AP3B1: variants seen among roughly 807,000 people sequenced by gnomAD.
The protein encoded by AP3B1 is adaptor related protein complex 3 subunit beta 1, also known as AP-3 complex subunit beta-1.
AP3B1 carries 61 observed loss-of-function variants against 132.5 expected under a neutral mutation model. That is an observed-to-expected ratio of 0.46 (90% CI 0.37 to 0.57). The LOEUF (loss-of-function observed/expected upper bound fraction) is 0.57, where lower values mean the gene tolerates loss of function less well. AP3B1 is among the 20% of genes least tolerant of loss of function. The probability of loss-of-function intolerance (pLI) is 0.00; values close to 1 mark genes in which losing one functional copy is unlikely to be tolerated. For synonymous variants in AP3B1, 388 were observed against 438.3 expected (o/e 0.89, Z 1.43); for missense variants, 1,120 against 1,289.4 (o/e 0.87, Z 2.01).
intron 22 of AP3B1, among the ~76,000 whole-genome samples, chr5:78,060,437 G>A (rs1436022441): frequency 6.6e-6 from 1 of 152,080 alleles, no homozygotes; most frequent in Non-Finnish European, 1.5e-5. Context: ...GTTTCTTTGT[G>A]GATATTCCAT....
chr5:78,187,451 A>T (rs114561513), intron 7 of AP3B1, among the ~76,000 whole-genome samples: 3,621 of 152,286 alleles, frequency 0.024, 137 homozygotes, highest in African/African-American at 0.083. Flanking sequence ...TTGTTAATTA[A>T]CATACTGAGT....
At chr5:78,063,697 A>G (rs1259542182) in intron 22 of AP3B1, among the ~76,000 whole-genome samples, 1 of 152,234 alleles carries the variant, frequency 6.6e-6, no homozygotes, top group Non-Finnish European at 1.5e-5. Flanking sequence ...AAGCCCTACT[A>G]TGTGCCATTC....
At chr5:78,182,192 C>T (rs942410973) in intron 7 of AP3B1, among the ~76,000 whole-genome samples, 1 of 152,190 alleles carries the variant, frequency 6.6e-6, no homozygotes, top group Admixed American at 6.5e-5. Flanking sequence ...TCCAGAGGAG[C>T]TGATTCTAGG....
Position 78,227,415 on chromosome 5 carries a change from A to G in AP3B1, c.493T>C (p.Tyr165His), listed in dbSNP as rs771489756. 1 of 1,613,734 alleles carries G rather than the reference A, an allele frequency of 6.2e-7. No homozygotes were observed. Residue 165 changes from tyrosine (Y) to histidine (H), a missense_variant, in exon 5 of 27, where the codon TAT becomes CAT. Coordinates refer to ENST00000255194, the MANE Select transcript of AP3B1 (RefSeq NM_003664.5). Reference sequence around the variant, plus strand: ...GCATGGGCTGCATTCTTCCTAACATATGGTGATAAGTCAGCAGAAGCTTCC... The same window carrying G: ...GCATGGGCTGCATTCTTCCTAACATGTGGTGATAAGTCAGCAGAAGCTTCC... ...IKEASADLSP[Y>H]VRKNAAHAIQ...
Position 78,096,011 on chromosome 5 carries a change from T to C in AP3B1, c.2470+4942A>G, listed in dbSNP as rs116386826. 6.6e-3 allele frequency among the ~76,000 whole-genome samples: 999 copies of C among 152,298 alleles called. 13 individuals are homozygous for C. The highest frequency in any genetic ancestry group is 0.022 in the African/African-American group (934 of 41,566). On this transcript the variant is annotated intron_variant, in intron 21 of 26. Transcript: ENST00000255194. ...TTTTTTTAAAAAGCTTGTGTCCCTG[T>C]CCCTCTCCCTTTCCCTCTCCCTCTC...
chr5:78,147,399 G>A (rs1753452119), intron 14 of AP3B1, among the ~76,000 whole-genome samples: 1 of 152,034 alleles, frequency 6.6e-6, no homozygotes, highest in East Asian at 1.9e-4. Context: ...CCTGTAGCTA[G>A]TTTTTGTTTT....
At chr5:78,095,231 T>C (rs908196753) in intron 21 of AP3B1, among the ~76,000 whole-genome samples, 1 of 152,198 alleles carries the variant, frequency 6.6e-6, no homozygotes, top group Admixed American at 6.5e-5. Context: ...AAATTAACAT[T>C]TCCTGAATGA....
chr5:78,135,253 C>G (rs894390697), intron 15 of AP3B1, among the ~76,000 whole-genome samples: 1 of 151,796 alleles, frequency 6.6e-6, no homozygotes, highest in Non-Finnish European at 1.5e-5. Flanking sequence ...ACTTAAATGT[C>G]TGACAGAGAT....
Position 78,203,164 on chromosome 5 carries a change from T to A in AP3B1, c.786+12891A>T, listed in dbSNP as rs189815820. The stretch of plus-strand genomic sequence containing the variant: ...TGCTGCTCTCAAGATTCTCTTTTTG[T>A]CCTTAGCTTTTGAAAATGTGATCTT... On this transcript the variant is annotated intron_variant, in intron 7 of 26. Transcript: ENST00000255194. Among the ~76,000 whole-genome samples, 17 of 152,270 alleles carry A rather than the reference T, an allele frequency of 1.1e-4. No individual in the cohort carries two copies. In the East Asian group the frequency reaches 2.7e-3, roughly 24 times the overall value.
chr5:78,076,626 C>T (rs943849830), intron 22 of AP3B1, among the ~76,000 whole-genome samples: 8 of 152,098 alleles, frequency 5.3e-5, no homozygotes, highest in African/African-American at 1.9e-4. Flanking sequence ...AGGGTTGGGG[C>T]GTTGAGCTAC....
At position 78,005,905 on chromosome 5, in the gene AP3B1, G is replaced by C. The variant is rs139903035; in HGVS notation, c.3132-2850C>G. On this transcript the variant is annotated intron_variant, in intron 26 of 26. Transcript: ENST00000255194. ...AGTACTAATTCATAAGTAATAAATA[G>C]CTAGCTTTGGGATGTCAGAAACATT... 1.1e-4 allele frequency among the ~76,000 whole-genome samples: 16 copies of C among 152,256 alleles called. No homozygotes were observed. In the East Asian group the frequency reaches 3.1e-3, roughly 29 times the overall value.
chr5:78,058,044 C>G (rs1318656629), intron 22 of AP3B1, among the ~76,000 whole-genome samples: 1 of 152,112 alleles, frequency 6.6e-6, no homozygotes, highest in Non-Finnish European at 1.5e-5. Flanking sequence ...ATGTAAATTA[C>G]TTTTTAGTTC....
intron 2 of AP3B1, among the ~76,000 whole-genome samples, chr5:78,251,016 G>A (rs1243321036): frequency 6.6e-6 from 1 of 152,006 alleles, no homozygotes; most frequent in East Asian, 1.9e-4. Context: ...ATAATAGGAA[G>A]GCTAAGAGAG....
chr5:78,201,034 T>A (rs1745268911), intron 7 of AP3B1, among the ~76,000 whole-genome samples: 1 of 152,138 alleles, frequency 6.6e-6, no homozygotes, highest in South Asian at 2.1e-4. Flanking sequence ...CCTAGGAATA[T>A]GCGGACACAG....
chr5:78,092,291 A>G (rs959572441), intron 21 of AP3B1, among the ~76,000 whole-genome samples: 7 of 152,200 alleles, frequency 4.6e-5, no homozygotes, highest in Non-Finnish European at 1.0e-4. Flanking sequence ...GCTGTTTTTT[A>G]AAAAAGGATG....
intron 1 of AP3B1, 96 bp from the exon 2 acceptor site, chr5:78,267,691 G>A (rs1748384093): frequency 1.3e-6 from 1 of 763,658 alleles, no homozygotes; most frequent in Non-Finnish European, 2.1e-6. Context: ...GTAATATCAT[G>A]GGCAATGTTA....
chr5:78,274,916 T>C (rs1748709883), intron 1 of AP3B1, among the ~76,000 whole-genome samples: 1 of 89,984 alleles, frequency 1.1e-5, no homozygotes, highest in Admixed American at 9.9e-5. Context: ...GACCCTATCT[T>C]TTTTTTAAAA....
At chr5:78,177,716 G>A (rs900584999) in intron 8 of AP3B1, among the ~76,000 whole-genome samples, 1 of 151,920 alleles carries the variant, frequency 6.6e-6, no homozygotes, top group African/African-American at 2.4e-5. Context: ...TCGAATGAAC[G>A]TGTCCTTATA....
At position 78,294,687 on chromosome 5, in the gene AP3B1, G is replaced by A. The variant is rs1443633791; in HGVS notation, c.-108C>T. 24 of 1,569,196 alleles carry A rather than the reference G, an allele frequency of 1.5e-5. No homozygotes were observed. Among genetic ancestry groups the A allele is most frequent in the East Asian group, 6.7e-5 (3 of 44,554 alleles). ...CTAGTTCTCGTACGGAGGAGCGCGC[G>A]CAGGCGCTTCCGGACTCGTCACGGC... On this transcript the variant is annotated 5_prime_UTR_variant, in exon 1 of 27. Transcript: ENST00000255194.
Sources: gnomAD v4.1 joint callset for allele counts (sites outside exome capture counted in the v4.1 genomes callset) on GRCh38, gnomAD v4.1.1 for gene constraint, MANE v1.5 for transcripts, NCBI Gene and HGNC (gene_info 2026-07-23, HGNC 2026-07-21) for gene names.